Variants in TMEM132D observed in about 807,000 individuals in gnomAD.
TMEM132D encodes transmembrane protein 132D.
Under a neutral mutation model 62.3 loss-of-function variants are expected in TMEM132D, and 21 were observed. The observed-to-expected ratio is 0.34, with a 90% confidence interval of 0.24 to 0.49. TMEM132D has a LOEUF of 0.49. Among genes scored for constraint, TMEM132D ranks in the 20% least tolerant of loss-of-function variants. The pLI is 0.99. For missense variants in TMEM132D, 1,346 were observed against 1,402.8 expected, an observed-to-expected ratio of 0.96 and a Z score of 0.65; for synonymous variants, 621 against 575.6, an observed-to-expected ratio of 1.08 and a Z score of -1.13.
chr12:129,329,714 A>G (rs536333216), intron 4 of TMEM132D, among the ~76,000 whole-genome samples: 2 of 152,260 alleles, frequency 1.3e-5, no homozygotes, highest in Admixed American at 1.3e-4. Context: ...ACACGCCTTT[A>G]CTGAGCATCT....
At chr12:129,868,554 A>G (rs897865718) in intron 1 of TMEM132D, among the ~76,000 whole-genome samples, 13 of 152,160 alleles carry the variant, frequency 8.5e-5, no homozygotes, top group Non-Finnish European at 1.2e-4. Context: ...GCTGTGGTCA[A>G]GTCAACTCCA....
chr12:129,741,294 T>G (rs1565969236), intron 1 of TMEM132D, among the ~76,000 whole-genome samples: 1 of 152,230 alleles, frequency 6.6e-6, no homozygotes, highest in Non-Finnish European at 1.5e-5. Context: ...CTTAGTTTTC[T>G]CATCTGTCAA....
intron 1 of TMEM132D, among the ~76,000 whole-genome samples, chr12:129,813,310 A>G (rs1284215675): frequency 1.3e-5 from 2 of 151,826 alleles, no homozygotes; most frequent in South Asian, 4.2e-4. Flanking sequence ...CACAACTGTC[A>G]GTGAGAACTT....
intron 5 of TMEM132D, among the ~76,000 whole-genome samples, chr12:129,125,216 A>G (rs982751568): frequency 5.3e-5 from 8 of 152,180 alleles, no homozygotes; most frequent in African/African-American, 1.9e-4. Context: ...CATTGAGACC[A>G]TCTATTAAAC....
rs949541734 is a variant in TMEM132D at position 129,863,341 on chromosome 12, G to A, written c.79+39920C>T. ...CCATGTTCTTCCCAAGGGAATCAAA[G>A]AGTACACCTGCTCCCTGCACAGTTA... is the stretch of plus-strand genomic sequence containing the variant. On this transcript the variant is annotated intron_variant, in intron 1 of 8. Coordinates refer to ENST00000422113, the MANE Select transcript of TMEM132D (RefSeq NM_133448.3). 2.0e-5 allele frequency among the ~76,000 whole-genome samples: 3 copies of A among 151,470 alleles called. No homozygotes were observed. The Admixed American group carries it at 2.0e-4, about 10-fold the overall frequency.
intron 1 of TMEM132D, among the ~76,000 whole-genome samples, chr12:129,873,410 C>G (rs1461114127): frequency 6.6e-6 from 1 of 152,118 alleles, no homozygotes; most frequent in East Asian, 1.9e-4. Flanking sequence ...GAAATGAAGA[C>G]AATTAAAAGA....
At chr12:129,894,308 C>T (rs562170196) in intron 1 of TMEM132D, among the ~76,000 whole-genome samples, 1 of 152,234 alleles carries the variant, frequency 6.6e-6, no homozygotes, top group East Asian at 1.9e-4. Context: ...GGGACACCGC[C>T]CCCCATGATT....
intron 2 of TMEM132D, among the ~76,000 whole-genome samples, chr12:129,620,927 C>T (rs558271495): frequency 5.5e-4 from 84 of 152,262 alleles, no homozygotes; most frequent in African/African-American, 1.0e-3. Context: ...CCGTGGCACA[C>T]GTTTACCTAT....
chr12:129,192,579 T>A (rs1368409266), intron 5 of TMEM132D, among the ~76,000 whole-genome samples: 1 of 152,200 alleles, frequency 6.6e-6, no homozygotes, highest in African/African-American at 2.4e-5. Flanking sequence ...TGGATAAATA[T>A]AATCTCAAAT....
intron 1 of TMEM132D, among the ~76,000 whole-genome samples, chr12:129,810,422 G>A (rs1376982916): frequency 6.6e-6 from 1 of 151,996 alleles, no homozygotes; most frequent in Non-Finnish European, 1.5e-5. Context: ...CAGTAAATGA[G>A]GGACGGCTAC....
At chr12:129,327,551 A>G (rs10847832) in intron 4 of TMEM132D, among the ~76,000 whole-genome samples, 66,199 of 152,120 alleles carry the variant, frequency 0.44, 15,312 homozygotes, top group Non-Finnish European at 0.52. Context: ...ATCATCTCGG[A>G]AAGTTTCACT....
At position 129,403,281 on chromosome 12, in the gene TMEM132D, C is replaced by T. The variant is rs370150015; in HGVS notation, c.1116-65464G>A. ...AGGTTAGAACATTCATCTAGAATGCCGGAAAACAACTGGCTTTCGAAAATA... is the reference window on the plus strand; with the variant it reads ...AGGTTAGAACATTCATCTAGAATGCTGGAAAACAACTGGCTTTCGAAAATA... On this transcript the variant is annotated intron_variant, in intron 3 of 8. Transcript: ENST00000422113. Among the ~76,000 whole-genome samples the T allele has an allele frequency of 7.5e-5, 11 of 145,796 alleles. No homozygotes were observed. In the East Asian group the frequency reaches 1.0e-3, roughly 13 times the overall value.
intron 1 of TMEM132D, among the ~76,000 whole-genome samples, chr12:129,789,894 A>G (rs1565986284): frequency 6.6e-6 from 1 of 152,248 alleles, no homozygotes; most frequent in Non-Finnish European, 1.5e-5. Context: ...GTCATCTATT[A>G]GGACATCACT....
At chr12:129,815,598 A>T (rs942706509) in intron 1 of TMEM132D, among the ~76,000 whole-genome samples, 1 of 152,174 alleles carries the variant, frequency 6.6e-6, no homozygotes, top group African/African-American at 2.4e-5. Context: ...ACATCTTTTC[A>T]ATTAGATGCA....
At chr12:129,803,146 C>T (rs914119919) in intron 1 of TMEM132D, among the ~76,000 whole-genome samples, 8 of 151,668 alleles carry the variant, frequency 5.3e-5, no homozygotes, top group African/African-American at 1.9e-4. Flanking sequence ...AGAAAGTCAA[C>T]AAGGATACCC....
chr12:129,195,631 C>T (rs1878526845), intron 5 of TMEM132D, among the ~76,000 whole-genome samples: 1 of 152,062 alleles, frequency 6.6e-6, no homozygotes, highest in African/African-American at 2.4e-5. Flanking sequence ...TGCAGACAGT[C>T]CTGAAATTAA....
chr12:129,729,850 T>C (rs1869165877), intron 1 of TMEM132D, among the ~76,000 whole-genome samples: 1 of 152,114 alleles, frequency 6.6e-6, no homozygotes, highest in Non-Finnish European at 1.5e-5. Context: ...TAATGTAAGG[T>C]CCTCTGAGCT....
At chr12:129,834,368 G>T (rs953999507) in intron 1 of TMEM132D, among the ~76,000 whole-genome samples, 2 of 152,022 alleles carry the variant, frequency 1.3e-5, no homozygotes, top group Admixed American at 6.6e-5. Flanking sequence ...CAAGATAATG[G>T]CAACCAAACC....
At chr12:129,318,845 T>C (rs1376699467) in intron 4 of TMEM132D, among the ~76,000 whole-genome samples, 2 of 152,052 alleles carry the variant, frequency 1.3e-5, no homozygotes, top group Non-Finnish European at 2.9e-5. Flanking sequence ...ATTGGAGTTG[T>C]GTACCTAAGA....
Sources: allele counts gnomAD v4.1 joint callset (sites outside exome capture counted in the v4.1 genomes callset), GRCh38; gene constraint gnomAD v4.1.1; transcripts MANE v1.5; gene names NCBI Gene and HGNC (gene_info 2026-07-23, HGNC 2026-07-21).